Variants in CLASP2 observed in about 807,000 individuals in gnomAD.
CLASP2 encodes the protein cytoplasmic linker associated protein 2.
Under a neutral mutation model 194.4 loss-of-function variants are expected in CLASP2, and 47 were observed. The observed-to-expected ratio is 0.24, with a 90% CI of 0.19 to 0.31. The LOEUF is 0.31. Ranked by LOEUF, CLASP2 falls within the 10% of genes least tolerant of loss-of-function variation. The pLI, the probability that CLASP2 is intolerant of heterozygous loss-of-function variation, is 1.00. For missense variants in CLASP2, 1,445 were observed against 1,823.6 expected (o/e 0.79, Z 3.78); for synonymous variants, 619 against 633.5 (o/e 0.98, Z 0.34).
Position 33,581,895 on chromosome 3 carries a change from C to T in CLASP2, c.2273G>A (p.Ser758Asn). 6.2e-7 allele frequency: 1 copy of T among 1,613,724 alleles called. No homozygotes were observed. The highest frequency in any genetic ancestry group is 8.5e-7 in the Non-Finnish European group (1 of 1,179,768). ...RSSRIPRPSV[S>N]QGCSREASRE... ...ACTAGCTTCCCGGCTGCATCCTTGA[C>T]TCACACTTGGTCGAGGAATACGACT... The change falls in exon 23 of 39, where the codon AGT becomes AAT. Residue 758 changes from serine (S) to asparagine (N), a missense_variant. Transcript: ENST00000682230.
At chr3:33,682,066 C>A (rs1262029499) in intron 6 of CLASP2, among the ~76,000 whole-genome samples, 1 of 152,160 alleles carries the variant, frequency 6.6e-6, no homozygotes, top group Non-Finnish European at 1.5e-5. Flanking sequence ...CTAGCAAATG[C>A]TGGCACGGTG....
chr3:33,596,682 TTAG>T (rs143177493), intron 19 of CLASP2, 26 bp downstream of exon 19: 15,285 of 1,515,014 alleles, frequency 0.01, 182 homozygotes, highest in African/African-American at 0.045. Flanking sequence ...ATAAAAATCT[TTAG>T]TAGAATTAGG....
At chr3:33,661,873 A>G (rs890375831) in intron 7 of CLASP2, among the ~76,000 whole-genome samples, 1 of 152,226 alleles carries the variant, frequency 6.6e-6, no homozygotes, top group African/African-American at 2.4e-5. Context: ...GGATTTTCCA[A>G]CGTGATAAAT....
chr3:33,631,715 T>C lies in CLASP2; in HGVS notation c.942+577A>G, dbSNP rs1271393164. Among the ~76,000 whole-genome samples the C allele has an allele frequency of 2.7e-5, 4 of 150,384 alleles. No individual in the cohort carries two copies. In the East Asian group the frequency reaches 7.8e-4, roughly 29 times the overall value. Reference sequence around the variant, plus strand: ...TCATCTCAAAAAAAAAAAAAAAAATTCATTGCAGCATGATATGGAATAGCC... The same window carrying C: ...TCATCTCAAAAAAAAAAAAAAAAATCCATTGCAGCATGATATGGAATAGCC... On this transcript the variant is annotated intron_variant, in intron 9 of 38. Coordinates refer to ENST00000682230, the MANE Select transcript of CLASP2 (RefSeq NM_001365631.1).
intron 2 of CLASP2, among the ~76,000 whole-genome samples, chr3:33,693,080 T>C (rs923443221): frequency 1.3e-5 from 2 of 152,150 alleles, no homozygotes; most frequent in Non-Finnish European, 1.5e-5. Flanking sequence ...TGGTGATCAA[T>C]ATTAAATGTA....
intron 21 of CLASP2, chr3:33,592,074 GT>G: frequency 1.6e-6 from 1 of 621,456 alleles, no homozygotes; most frequent in East Asian, 2.7e-5. Flanking sequence ...GCAAAAGTTT[GT>G]ATGGCAAATG....
chr3:33,526,923 G>C (rs892438838), intron 34 of CLASP2, among the ~76,000 whole-genome samples: 2 of 152,128 alleles, frequency 1.3e-5, no homozygotes, highest in African/African-American at 4.8e-5. Flanking sequence ...GAAGTTCTTT[G>C]AAAACAATGA....
chr3:33,702,557 G>A (rs1559683749), intron 1 of CLASP2, among the ~76,000 whole-genome samples: 1 of 151,670 alleles, frequency 6.6e-6, no homozygotes, highest in Non-Finnish European at 1.5e-5. Flanking sequence ...TGGTTTCTTA[G>A]ACAGGACATA....
rs775211679 is a variant in CLASP2 at position 33,510,654 on chromosome 3, A to C, written c.4221T>G (p.Asn1407Lys). The C allele has an allele frequency of 2.5e-6, 4 of 1,613,902 alleles. No homozygotes were observed. Among genetic ancestry groups the C allele is most frequent in the Non-Finnish European group, 3.4e-6 (4 of 1,179,874 alleles). Residue 1407 changes from asparagine (N) to lysine (K), a missense_variant, in exon 37 of 39, where the codon AAT becomes AAG. This residue lies in a region of CLASP2 where 732 missense variants were observed against 987.9 expected (regional missense o/e 0.74). Coordinates refer to ENST00000682230, the MANE Select transcript of CLASP2 (RefSeq NM_001365631.1). ...TTGTTTGCATTTTGATTGCAGCCAG[A>C]TTAATTGGGTAGTCTGCAGTTTGAA... Reference protein sequence around the residue: ...PIIQTADYPINLAAIKMQTKV... With the variant: ...PIIQTADYPIKLAAIKMQTKV...
At chr3:33,684,252 A>G in intron 6 of CLASP2, 107 bp downstream of exon 6, 2 of 576,112 alleles carry the variant, frequency 3.5e-6, no homozygotes, top group Non-Finnish European at 5.6e-6. Flanking sequence ...TCTCAAAAAA[A>G]TAAATAAATA....
intron 13 of CLASP2, among the ~76,000 whole-genome samples, chr3:33,609,443 A>G (rs2074636526): frequency 1.3e-5 from 2 of 152,148 alleles, no homozygotes; most frequent in African/African-American, 4.8e-5. Flanking sequence ...TATGTATATG[A>G]CTTTACATAA....
At chr3:33,637,738 T>TA (rs2080442387) in intron 8 of CLASP2, among the ~76,000 whole-genome samples, 1 of 152,188 alleles carries the variant, frequency 6.6e-6, no homozygotes, top group African/African-American at 2.4e-5. Flanking sequence ...CATCGTTTTT[T>TA]ACCCATCACA....
rs752216479 is a variant in CLASP2, at chr3:33,538,818, T to C, written c.3529A>G (p.Arg1177Gly). ...SQEDMNEPLKRDSKKDDGDSM... is the reference protein window; with the variant it reads ...SQEDMNEPLKGDSKKDDGDSM... ...TCGCCATCATCTTTTTTAGAATCCC[T>C]TTTCAATGGCTCATTCATATCTTCT... Residue 1177 changes from arginine (R) to glycine (G), a missense_variant, in exon 33 of 39, where the codon AGG becomes GGG. Arg to Gly is a moderately radical substitution (Grantham distance 125, BLOSUM62 -2). Transcript: ENST00000682230. 3.1e-6 allele frequency: 5 copies of C among 1,595,712 alleles called. No individual in the cohort carries two copies. The highest frequency in any genetic ancestry group is 4.3e-6 in the Non-Finnish European group (5 of 1,171,254).
intron 7 of CLASP2, among the ~76,000 whole-genome samples, chr3:33,657,350 T>G (rs1168501136): frequency 6.6e-6 from 1 of 152,160 alleles, no homozygotes; most frequent in Admixed American, 6.5e-5. Flanking sequence ...GGTATATATT[T>G]TTGAAGAAGA....
intron 16 of CLASP2, among the ~76,000 whole-genome samples, chr3:33,604,866 T>A (rs1188209061): frequency 6.6e-6 from 1 of 152,146 alleles, no homozygotes; most frequent in Non-Finnish European, 1.5e-5. Context: ...TCCTGAGATA[T>A]TTTACTTAGA....
chr3:33,703,146 A>T (rs1336643015), intron 1 of CLASP2, among the ~76,000 whole-genome samples: 1 of 152,202 alleles, frequency 6.6e-6, no homozygotes, highest in Non-Finnish European at 1.5e-5. Flanking sequence ...TCTATGGAAG[A>T]TGTCTACAGA....
intron 7 of CLASP2, among the ~76,000 whole-genome samples, chr3:33,650,842 T>C (rs1404336997): frequency 1.3e-5 from 2 of 152,180 alleles, no homozygotes; most frequent in East Asian, 1.9e-4. Flanking sequence ...GATAAGGTTT[T>C]ACTTTTTGTT....
At position 33,627,030 on chromosome 3, in the gene CLASP2, A is replaced by G; in HGVS notation, c.993T>C (p.Ile331=). 6.3e-7 allele frequency: 1 copy of G among 1,597,172 alleles called. No individual in the cohort carries two copies. Among genetic ancestry groups the G allele is most frequent in the Non-Finnish European group, 8.5e-7 (1 of 1,170,340 alleles). ...LEETLNKIRE[I]LSDDKHDWDQ... ...CCCAGTCATGTTTATCATCTGACAA[A>G]ATTTCCCTGATTTTATTTAATGTTT... The change falls in exon 10 of 39, where the codon ATT becomes ATC. Residue 331 remains isoleucine, a synonymous_variant. Coordinates refer to ENST00000682230, the MANE Select transcript of CLASP2 (RefSeq NM_001365631.1).
At chr3:33,616,088 C>A (rs1425197769) in intron 12 of CLASP2, among the ~76,000 whole-genome samples, 1 of 151,210 alleles carries the variant, frequency 6.6e-6, no homozygotes, top group East Asian at 1.9e-4. Flanking sequence ...AATCTCACTA[C>A]AATCAATAAA....
Sources: allele counts gnomAD v4.1 joint callset (sites outside exome capture counted in the v4.1 genomes callset), GRCh38; gene constraint gnomAD v4.1.1; regional missense constraint gnomAD v4.1.1; transcripts MANE v1.5; gene names NCBI Gene and HGNC (gene_info 2026-07-23, HGNC 2026-07-21).